Variants in WDR27 observed in about 807,000 individuals in gnomAD.
WDR27 encodes the protein WD repeat-containing protein 27.
Under a neutral mutation model 114.4 loss-of-function variants are expected in WDR27, and 100 were observed. The observed-to-expected ratio is 0.87, with a 90% confidence interval of 0.74 to 1.03. The LOEUF is 1.03. Among genes scored for constraint, WDR27 ranks in the 50% least tolerant of loss-of-function variants. The pLI, the probability that WDR27 is intolerant of heterozygous loss-of-function variation, is 0.00. For synonymous variants in WDR27, 449 were observed against 423.1 expected, an observed-to-expected ratio of 1.06 and a Z score of -0.75; for missense variants, 1,129 against 1,092.9, an observed-to-expected ratio of 1.03 and a Z score of -0.47.
At chr6:169,466,473 A>T (rs1785602966) in intron 25 of WDR27, among the ~76,000 whole-genome samples, 1 of 152,192 alleles carries the variant, frequency 6.6e-6, no homozygotes, top group Non-Finnish European at 1.5e-5. Flanking sequence ...CCCCTTATAA[A>T]ACCATCAGAT....
At chr6:169,427,849 G>A in the WDR27 span, among the ~76,000 whole-genome samples, 4 of 151,646 alleles carry the variant, frequency 2.6e-5, no homozygotes, top group Non-Finnish European at 4.4e-5. Flanking sequence ...GAATTCCCTG[G>A]ATTATTTTAG....
rs533371002 is a variant in WDR27 at position 169,656,799 on chromosome 6, G to A, written c.1402+1477C>T. Among the ~76,000 whole-genome samples, 5 of 152,364 alleles carry A rather than the reference G, an allele frequency of 3.3e-5. No individual in the cohort carries two copies. In the South Asian group the frequency reaches 1.0e-3, roughly 32 times the overall value. ...ACTTGCTGTTGTCTTCTCTGCTATAGTGTCTTTTGCAATTTAAGATGCCTT... is the reference window on the plus strand; with the variant it reads ...ACTTGCTGTTGTCTTCTCTGCTATAATGTCTTTTGCAATTTAAGATGCCTT... On this transcript the variant is annotated intron_variant, in intron 13 of 25. Transcript: ENST00000448612.
intron 3 of WDR27, chr6:169,670,988 G>T: frequency 3.5e-6 from 1 of 288,676 alleles, no homozygotes; most frequent in Non-Finnish European, 6.4e-6. Flanking sequence ...ACATCAAACT[G>T]CATGTTTCGA....
chr6:169,484,068 G>A (rs1788551647), intron 25 of WDR27, among the ~76,000 whole-genome samples: 1 of 152,056 alleles, frequency 6.6e-6, no homozygotes, highest in African/African-American at 2.4e-5. Context: ...AGCCAATGTT[G>A]TACTGAATTG....
At chr6:169,430,334 G>C in the WDR27 span, among the ~76,000 whole-genome samples, 3 of 152,216 alleles carry the variant, frequency 2.0e-5, no homozygotes, top group Non-Finnish European at 4.4e-5. Context: ...TTGCAGCTAG[G>C]CTAGGGGTAT....
chr6:169,681,876 T>A (rs1562921981), intron 2 of WDR27, among the ~76,000 whole-genome samples: 1 of 152,154 alleles, frequency 6.6e-6, no homozygotes, highest in Non-Finnish European at 1.5e-5. Flanking sequence ...AACTATCCCA[T>A]CTGTGCTGAG....
intron 25 of WDR27, among the ~76,000 whole-genome samples, chr6:169,530,746 C>T (rs916769282): frequency 6.6e-6 from 1 of 152,230 alleles, no homozygotes; most frequent in Admixed American, 6.5e-5. Flanking sequence ...AACATCGAAC[C>T]TCTCCATTCT....
chr6:169,438,260 C>T, the WDR27 span, among the ~76,000 whole-genome samples: 4 of 126,496 alleles, frequency 3.2e-5, no homozygotes, highest in African/African-American at 1.2e-4. Context: ...TTTTTTGAGA[C>T]GGAGTCTGGC....
intron 20 of WDR27, 68 bp from the exon 21 acceptor site, chr6:169,633,136 T>C: frequency 1.4e-6 from 2 of 1,457,160 alleles, no homozygotes; most frequent in Non-Finnish European, 1.8e-6. Context: ...GTTCCCTCTC[T>C]TTTACTAATA....
intron 24 of WDR27, 48 bp downstream of exon 24, chr6:169,582,788 A>G (rs1439357579): frequency 2.1e-6 from 3 of 1,432,478 alleles, no homozygotes; most frequent in African/African-American, 2.8e-5. Flanking sequence ...AATATAATGT[A>G]AGACTTGTAT....
chr6:169,701,499 TAA>T (rs992085146), intron 1 of WDR27, 50 bp downstream of exon 1: 13 of 152,758 alleles, frequency 8.5e-5, no homozygotes, highest in African/African-American at 3.1e-4. Flanking sequence ...CTGAATCTTT[TAA>T]AGAGATCTGA....
chr6:169,670,468 G>A, intron 4 of WDR27, 101 bp downstream of exon 4: 3 of 1,329,342 alleles, frequency 2.3e-6, no homozygotes, highest in South Asian at 3.0e-5. Context: ...AAAAAAAAAG[G>A]AGTACAGGAA....
intron 13 of WDR27, among the ~76,000 whole-genome samples, chr6:169,656,340 C>T (rs1003733850): frequency 6.6e-6 from 1 of 152,062 alleles, no homozygotes; most frequent in African/African-American, 2.4e-5. Flanking sequence ...TGGATTCATC[C>T]GAGACATGTG....
intron 13 of WDR27, chr6:169,657,699 T>G (rs1824623879): frequency 1.3e-5 from 2 of 153,106 alleles, no homozygotes; most frequent in African/African-American, 4.8e-5. Context: ...TTATACATAT[T>G]TGAAAGATGC....
At chr6:169,435,228 A>G in the WDR27 span, among the ~76,000 whole-genome samples, 1 of 152,250 alleles carries the variant, frequency 6.6e-6, no homozygotes. Context: ...CTGGATGTCT[A>G]GGCAGAAGTT....
chr6:169,500,457 G>A (rs1166310670), intron 25 of WDR27, among the ~76,000 whole-genome samples: 1 of 152,160 alleles, frequency 6.6e-6, no homozygotes, highest in East Asian at 1.9e-4. Context: ...ATCAAGGAGA[G>A]TCACCCATCT....
intron 21 of WDR27, among the ~76,000 whole-genome samples, chr6:169,617,080 C>T (rs1812006353): frequency 6.6e-6 from 1 of 152,130 alleles, no homozygotes; most frequent in African/African-American, 2.4e-5. Context: ...AAGCAGCATC[C>T]TTGTGGGGGA....
At chr6:169,452,491 ACGTGGGGT>A (rs1784190807), downstream of WDR27, among the ~76,000 whole-genome samples, 1 of 99,468 alleles carries the variant, frequency 1.0e-5, no homozygotes, top group Non-Finnish European at 2.3e-5. Context: ...GCAGCCCCGG[ACGTGGGGT>A]CAGAGAGGAG....
intron 20 of WDR27, among the ~76,000 whole-genome samples, chr6:169,633,827 G>A (rs924586067): frequency 6.6e-6 from 1 of 152,166 alleles, no homozygotes; most frequent in South Asian, 2.1e-4. Flanking sequence ...ATTCTAGCAT[G>A]AAATTACCAC....
Sources: gnomAD v4.1 joint callset for allele counts (sites outside exome capture counted in the v4.1 genomes callset) on GRCh38, gnomAD v4.1.1 for gene constraint, MANE v1.5 for transcripts, NCBI Gene and HGNC (gene_info 2026-07-23, HGNC 2026-07-21) for gene names.